SPMIP2: variants seen among roughly 807,000 people sequenced by gnomAD.
SPMIP2 encodes the protein protein SPMIP2.
chr4:158,907,107 T>A, the SPMIP2 span: 1 of 152,266 alleles, frequency 6.6e-6, no homozygotes, highest in Non-Finnish European at 1.5e-5. Flanking sequence ...AGTCTGTAAA[T>A]GTCCCTGTGA....
the SPMIP2 span, among the ~76,000 whole-genome samples, chr4:158,947,507 T>C: frequency 6.6e-6 from 1 of 152,234 alleles, no homozygotes; most frequent in South Asian, 2.1e-4. Flanking sequence ...CCTAGCTTTA[T>C]ATTGCAATTT....
chr4:158,972,295 G>A, the SPMIP2 span, among the ~76,000 whole-genome samples: 11 of 152,188 alleles, frequency 7.2e-5, no homozygotes, highest in Non-Finnish European at 1.2e-4. Context: ...CCAGGAGGCC[G>A]AGGTTACAGC....
chr4:158,904,658 T>G, the SPMIP2 span: 1 of 901,278 alleles, frequency 1.1e-6, no homozygotes, highest in Non-Finnish European at 1.7e-6. Flanking sequence ...ACAGAAACAG[T>G]CATTCCACCT....
At chr4:158,969,653 T>C in the SPMIP2 span, among the ~76,000 whole-genome samples, 2 of 152,150 alleles carry the variant, frequency 1.3e-5, no homozygotes, top group Non-Finnish European at 1.5e-5. Context: ...GCAGAACCCC[T>C]CCTAGTGCCC....
the SPMIP2 span, among the ~76,000 whole-genome samples, chr4:158,947,781 T>G: frequency 6.6e-6 from 1 of 152,110 alleles, no homozygotes; most frequent in African/African-American, 2.4e-5. Context: ...ATGTGTAATA[T>G]CTAACTAATA....
the SPMIP2 span, among the ~76,000 whole-genome samples, chr4:159,057,113 A>G: frequency 6.6e-6 from 1 of 152,156 alleles, no homozygotes; most frequent in East Asian, 1.9e-4. Flanking sequence ...TCTATGGACA[A>G]TGGGAGCCAC....
the SPMIP2 span, among the ~76,000 whole-genome samples, chr4:159,050,353 A>G: frequency 6.6e-6 from 1 of 151,456 alleles, no homozygotes; most frequent in Non-Finnish European, 1.5e-5. Flanking sequence ...TTTTTAATAA[A>G]TATGTCTGCA....
At chr4:159,021,405 A>T in the SPMIP2 span, among the ~76,000 whole-genome samples, 5 of 152,226 alleles carry the variant, frequency 3.3e-5, no homozygotes, top group African/African-American at 9.6e-5. Context: ...TTTGTGAATG[A>T]GCAGCTTCTC....
At chr4:158,979,789 G>GTTTTTTTTTT in the SPMIP2 span, among the ~76,000 whole-genome samples, 12 of 104,500 alleles carry the variant, frequency 1.1e-4, no homozygotes, top group African/African-American at 4.2e-4. Context: ...AGTTGCAAGA[G>GTTTTTTTTTT]TTTTTTTTTT....
At chr4:158,979,789 GTT>G in the SPMIP2 span, among the ~76,000 whole-genome samples, 4 of 104,506 alleles carry the variant, frequency 3.8e-5, no homozygotes, top group African/African-American at 1.7e-4. Flanking sequence ...AGTTGCAAGA[GTT>G]TTTTTTTTTT....
At chr4:159,035,934 GA>G in the SPMIP2 span, among the ~76,000 whole-genome samples, 1 of 151,874 alleles carries the variant, frequency 6.6e-6, no homozygotes, top group Admixed American at 6.6e-5. Context: ...CTATTTTATC[GA>G]CCTCCCCACT....
the SPMIP2 span, among the ~76,000 whole-genome samples, chr4:158,985,623 G>A: frequency 9.3e-4 from 141 of 152,292 alleles, 2 homozygotes; most frequent in East Asian, 0.019. Flanking sequence ...AGGTATTGAT[G>A]AGACGTATCT....
the SPMIP2 span, among the ~76,000 whole-genome samples, chr4:159,069,298 G>A: frequency 5.5e-4 from 83 of 152,202 alleles, no homozygotes; most frequent in African/African-American, 1.6e-3. Context: ...GTGAGACTCC[G>A]TCTCAAAAAC....
the SPMIP2 span, among the ~76,000 whole-genome samples, chr4:158,974,110 T>C: frequency 6.6e-6 from 1 of 151,986 alleles, no homozygotes; most frequent in African/African-American, 2.4e-5. Flanking sequence ...AAATGTGTAT[T>C]AGAATACTCC....
At chr4:158,980,262 C>A in the SPMIP2 span, among the ~76,000 whole-genome samples, 1 of 152,178 alleles carries the variant, frequency 6.6e-6, no homozygotes, top group Non-Finnish European at 1.5e-5. Context: ...GGGGAAGGGG[C>A]AGCTGTGGGT....
the SPMIP2 span, among the ~76,000 whole-genome samples, chr4:158,923,544 TAC>T: frequency 2.3e-5 from 2 of 88,172 alleles, no homozygotes; most frequent in South Asian, 4.3e-4. Context: ...TGTAAAAAAA[TAC>T]AATTGATTTT....
At chr4:159,072,882 A>T in the SPMIP2 span, among the ~76,000 whole-genome samples, 1 of 152,222 alleles carries the variant, frequency 6.6e-6, no homozygotes, top group African/African-American at 2.4e-5. Context: ...ATGGTGAATT[A>T]TGCTGGCTTC....
the SPMIP2 span, among the ~76,000 whole-genome samples, chr4:159,014,202 C>A: frequency 1.2e-4 from 19 of 152,294 alleles, no homozygotes; most frequent in Middle Eastern, 3.4e-3. Flanking sequence ...CGCCTGTAAT[C>A]TCAGCACTTT....
chr4:158,903,208 C>T, the SPMIP2 span, among the ~76,000 whole-genome samples: 4 of 152,148 alleles, frequency 2.6e-5, no homozygotes, highest in African/African-American at 4.8e-5. Flanking sequence ...GAGTTCCTCA[C>T]GGCTTCCCTT....
Sources: gnomAD v4.1 joint callset for allele counts (sites outside exome capture counted in the v4.1 genomes callset) on GRCh38, gnomAD v4.1.1 for gene constraint, MANE v1.5 for transcripts, NCBI Gene and HGNC (gene_info 2026-07-23, HGNC 2026-07-21) for gene names.